The following RTP2 variants were observed in gnomAD, a reference collection of about 807,000 sequenced individuals.
RTP2 encodes receptor-transporting protein 2.
In RTP2, 12 loss-of-function variants were observed where a neutral mutation model predicts 17.9. The observed-to-expected ratio is 0.67, with a 90% CI of 0.43 to 1.09. The LOEUF (loss-of-function observed/expected upper bound fraction) is 1.09, where lower values mean the gene tolerates loss of function less well. Ranked by LOEUF, RTP2 falls within the 50% of genes least tolerant of loss-of-function variation. The pLI, the probability that RTP2 is intolerant of heterozygous loss-of-function variation, is 0.00. For synonymous variants in RTP2, 126 were observed against 117.7 expected, an observed-to-expected ratio of 1.07 and a Z score of -0.46; for missense variants, 327 against 295.7, an observed-to-expected ratio of 1.11 and a Z score of -0.78.
upstream of RTP2, chr3:187,702,620 T>A: frequency 2.2e-6 from 1 of 456,240 alleles, no homozygotes; most frequent in South Asian, 1.6e-5. Flanking sequence ...CCCCCTGATA[T>A]GCTGTGACCA....
upstream of RTP2, among the ~76,000 whole-genome samples, chr3:187,707,380 G>T (rs1392380727): frequency 6.6e-6 from 1 of 152,224 alleles, no homozygotes; most frequent in Non-Finnish European, 1.5e-5. Flanking sequence ...AACATGCATT[G>T]TCACAGCAGG....
the RTP2 span, among the ~76,000 whole-genome samples, chr3:187,709,896 G>A: frequency 6.6e-6 from 1 of 152,132 alleles, no homozygotes; most frequent in East Asian, 1.9e-4. Flanking sequence ...GTCTGTGAGA[G>A]GACATGCATT....
upstream of RTP2, among the ~76,000 whole-genome samples, chr3:187,705,732 A>G (rs569154141): frequency 2.0e-5 from 3 of 152,326 alleles, no homozygotes; most frequent in African/African-American, 7.2e-5. Context: ...GTTTGGCCCC[A>G]ACACTTAGCT....
chr3:187,698,485 T>C lies in RTP2; in HGVS notation c.*13A>G, dbSNP rs745488282. 27 of 1,591,892 alleles carry C rather than the reference T, an allele frequency of 1.7e-5. No individual in the cohort carries two copies. The South Asian group carries it at 2.9e-4, about 17-fold the overall frequency. ...CAAGCCCATGTGCCCTCTCCCACCC[T>C]TAACCAGCTCCACTAAAAGAAGGCA... On this transcript the variant is annotated 3_prime_UTR_variant, in exon 2 of 2. Transcript: ENST00000358241.
Position 187,701,962 on chromosome 3 carries a change from C to A in RTP2, c.164+3G>T. The A allele has an allele frequency of 1.3e-6, 2 of 1,586,152 alleles. No homozygotes were observed. The highest frequency in any genetic ancestry group is 1.7e-6 in the Non-Finnish European group (2 of 1,163,932). ...CAAGGTCCCTCCCCACTGAACCTCT[C>A]ACCTGCCTGAGGCGTGCTGCTCCAG... On this transcript the variant is annotated splice_donor_region_variant and intron_variant, in intron 1 of 1. Transcript: ENST00000358241.
At chr3:187,700,761 G>A (rs1057344444) in intron 1 of RTP2, among the ~76,000 whole-genome samples, 2 of 152,336 alleles carry the variant, frequency 1.3e-5, no homozygotes, top group Non-Finnish European at 1.5e-5. Flanking sequence ...AGCCCAGATA[G>A]TAAGAGAGGC....
chr3:187,705,490 A>T (rs1255856001), upstream of RTP2, among the ~76,000 whole-genome samples: 1 of 152,202 alleles, frequency 6.6e-6, no homozygotes, highest in Non-Finnish European at 1.5e-5. Context: ...GACTTTTAAA[A>T]ATATATATCT....
At chr3:187,703,228 A>G (rs1717898381), upstream of RTP2, among the ~76,000 whole-genome samples, 1 of 152,220 alleles carries the variant, frequency 6.6e-6, no homozygotes, top group Admixed American at 6.5e-5. Flanking sequence ...AACTGTAATC[A>G]TCTTACGATT....
At chr3:187,711,912 T>C in the RTP2 span, among the ~76,000 whole-genome samples, 1 of 152,226 alleles carries the variant, frequency 6.6e-6, no homozygotes, top group Admixed American at 6.5e-5. Context: ...ATATTCCATT[T>C]ATAGAACATT....
exon 2 of RTP2, chr3:187,698,466 C>T (rs941169114): frequency 9.0e-6 from 14 of 1,563,786 alleles, no homozygotes; most frequent in South Asian, 1.2e-5. Flanking sequence ...CTCTCAAGCC[C>T]ATGTGCCCTC....
upstream of RTP2, among the ~76,000 whole-genome samples, chr3:187,705,827 A>G (rs1717977924): frequency 6.6e-6 from 1 of 152,324 alleles, no homozygotes; most frequent in Middle Eastern, 3.4e-3. Context: ...AAGGACTAAT[A>G]CACTCATTAG....
chr3:187,702,623 T>C, upstream of RTP2: 1 of 456,110 alleles, frequency 2.2e-6, no homozygotes, highest in Non-Finnish European at 4.4e-6. Flanking sequence ...CCTGATATGC[T>C]GTGACCATCA....
the RTP2 span, among the ~76,000 whole-genome samples, chr3:187,708,891 T>C: frequency 6.6e-6 from 1 of 152,100 alleles, no homozygotes; most frequent in African/African-American, 2.4e-5. Flanking sequence ...AGTTCTGGGA[T>C]TTGGACTCAT....
chr3:187,709,418 G>A, the RTP2 span, among the ~76,000 whole-genome samples: 2 of 152,130 alleles, frequency 1.3e-5, no homozygotes, highest in South Asian at 4.2e-4. Flanking sequence ...TGTCTCTGGC[G>A]GGCATGCCTG....
At chr3:187,715,633 A>G in the RTP2 span, 3 of 456,474 alleles carry the variant, frequency 6.6e-6, no homozygotes, top group African/African-American at 6.0e-5. Context: ...GTTGGATTCG[A>G]TCAGAATTCT....
At chr3:187,704,000 C>T (rs908523989), upstream of RTP2, among the ~76,000 whole-genome samples, 2 of 152,164 alleles carry the variant, frequency 1.3e-5, no homozygotes, top group Admixed American at 1.3e-4. Context: ...ACAATTACTA[C>T]TTCAATTTTC....
chr3:187,706,658 A>C (rs1486009309), upstream of RTP2, among the ~76,000 whole-genome samples: 1 of 152,106 alleles, frequency 6.6e-6, no homozygotes, highest in African/African-American at 2.4e-5. Context: ...GTTGGAGTGC[A>C]ATGGCGTGAT....
the RTP2 span, among the ~76,000 whole-genome samples, chr3:187,710,621 A>G: frequency 2.0e-5 from 3 of 151,736 alleles, no homozygotes; most frequent in East Asian, 3.9e-4. Context: ...GGAGAACCAT[A>G]CAAATACACA....
At chr3:187,698,834 G>A (rs375332995) in exon 2 of RTP2, 38 of 1,612,856 alleles carry the variant, frequency 2.4e-5, no homozygotes, top group Non-Finnish European at 3.1e-5. Context: ...CCAGGCCCTC[G>A]ATGTTCTCCT....
Sources: allele counts gnomAD v4.1 joint callset (sites outside exome capture counted in the v4.1 genomes callset), GRCh38; gene constraint gnomAD v4.1.1; transcripts MANE v1.5; gene names NCBI Gene and HGNC (gene_info 2026-07-23, HGNC 2026-07-21).